Variants in LRP5 observed in about 807,000 individuals in gnomAD.
The protein encoded by LRP5 is LDL receptor related protein 5.
LRP5 carries 62 observed loss-of-function variants against 154.1 expected under a neutral mutation model. The ratio of observed to expected loss-of-function variants is 0.40; its 90% CI spans 0.33 to 0.50. LRP5 has a LOEUF of 0.50. Ranked by LOEUF, LRP5 falls within the 20% of genes least tolerant of loss-of-function variation. The pLI, the probability that LRP5 is intolerant of heterozygous loss-of-function variation, is 0.55. For synonymous variants in LRP5, 966 were observed against 1,011.5 expected (o/e 0.96, Z 0.85); for missense variants, 1,915 against 2,336.7 (o/e 0.82, Z 3.72).
At chr11:68,430,165 T>G (rs1257079876) in intron 17 of LRP5, among the ~76,000 whole-genome samples, 1 of 152,138 alleles carries the variant, frequency 6.6e-6, no homozygotes, top group Non-Finnish European at 1.5e-5. Context: ...TCTTTTTGTT[T>G]TGTTTTGCTT....
At chr11:68,322,061 G>T (rs891485951) in intron 1 of LRP5, among the ~76,000 whole-genome samples, 1 of 152,192 alleles carries the variant, frequency 6.6e-6, no homozygotes, top group African/African-American at 2.4e-5. Flanking sequence ...TTGCTTCTGC[G>T]GGTAAAGGCC....
intron 8 of LRP5, among the ~76,000 whole-genome samples, chr11:68,404,671 C>T (rs1414602542): frequency 2.0e-5 from 3 of 152,112 alleles, no homozygotes; most frequent in Non-Finnish European, 4.4e-5. Flanking sequence ...CCTTTAAAAA[C>T]GCGTTCATGC....
Position 68,447,302 on chromosome 11 carries a change from C to T in LRP5, c.4586+769C>T, listed in dbSNP as rs1196949949. 6.5e-6 allele frequency: 1 copy of T among 153,654 alleles called. No homozygotes were observed. Among genetic ancestry groups the T allele is most frequent in the South Asian group, 2.0e-4 (1 of 4,912 alleles). 9.5% of individuals were successfully genotyped at this position (153,654 alleles called of 1,614,324 possible). On this transcript the variant is annotated intron_variant, in intron 22 of 22. Coordinates refer to ENST00000294304, the MANE Select transcript of LRP5 (RefSeq NM_002335.4). This position sits in a 1 kb window ranked among gnomAD's most constrained non-coding sequence, Gnocchi z 4.3. The stretch of plus-strand genomic sequence containing the variant: ...CCCGCAGGTGAAGGGGTGGGATAGG[C>T]TGGGCCTGGGCCAGGACACCTCTGG...
At chr11:68,334,732 G>T (rs558908321) in intron 1 of LRP5, among the ~76,000 whole-genome samples, 23 of 152,202 alleles carry the variant, frequency 1.5e-4, no homozygotes, top group African/African-American at 4.8e-4. Context: ...GAAATTAGCC[G>T]GTTGTGGGGG....
rs1182372384 is a variant in LRP5, at chr11:68,353,779, C to T, written c.489-3871C>T. On this transcript the variant is annotated intron_variant, in intron 2 of 22. Coordinates refer to ENST00000294304, the MANE Select transcript of LRP5 (RefSeq NM_002335.4). This position sits in a 1 kb window ranked among gnomAD's most constrained non-coding sequence, Gnocchi z 4.5. ...TCATCAGGAAGGGGGTCTCTGGGTC[C>T]GAGCGTCCACCTCAGTGTGCACGTG... 2.0e-5 allele frequency among the ~76,000 whole-genome samples: 3 copies of T among 152,190 alleles called. No homozygotes were observed. Among genetic ancestry groups the T allele is most frequent in the South Asian group, 2.1e-4 (1 of 4,834 alleles).
Position 68,411,538 on chromosome 11 carries a change from C to T in LRP5, c.2421C>T (p.Asn807=), listed in dbSNP as rs138051657. The T allele has an allele frequency of 9.9e-6, 16 of 1,613,830 alleles. No homozygotes were observed. Among genetic ancestry groups the T allele is most frequent in the South Asian group, 6.6e-5 (6 of 91,080 alleles). ...MTLVDKVGRA[N]DLTIDYADQR... ...TGGTGGACAAGGTGGGCCGGGCCAACGACCTCACCATTGACTACGCTGACC... is the reference window on the plus strand; with the variant it reads ...TGGTGGACAAGGTGGGCCGGGCCAATGACCTCACCATTGACTACGCTGACC... Residue 807 remains asparagine, a synonymous_variant, in exon 11 of 23, where the codon AAC becomes AAT. Transcript: ENST00000294304.
At chr11:68,434,793 C>T (rs1007120040) in intron 18 of LRP5, among the ~76,000 whole-genome samples, 3 of 152,110 alleles carry the variant, frequency 2.0e-5, no homozygotes, top group South Asian at 4.1e-4. Context: ...CCAGAGCCAC[C>T]GGCTCTGTTA....
At chr11:68,341,830 G>A (rs1483507781) in intron 1 of LRP5, among the ~76,000 whole-genome samples, 4 of 152,026 alleles carry the variant, frequency 2.6e-5, no homozygotes, top group South Asian at 2.1e-4. Context: ...GATCTGCAGC[G>A]TTTATGATGT....
At chr11:68,316,109 C>G (rs971174880) in intron 1 of LRP5, among the ~76,000 whole-genome samples, 1 of 152,122 alleles carries the variant, frequency 6.6e-6, no homozygotes, top group South Asian at 2.1e-4. Context: ...TCCCTCTCCC[C>G]GGATCCCCTG....
intron 16 of LRP5, among the ~76,000 whole-genome samples, chr11:68,427,975 T>TTATTTATTTA (rs1565105932): frequency 0.011 from 476 of 43,426 alleles, 4 homozygotes; most frequent in East Asian, 0.058. Context: ...ATTTTATTTT[T>TTATTTATTTA]TTTATTTATT....
chr11:68,412,530 A>G (rs919392821), intron 11 of LRP5, among the ~76,000 whole-genome samples: 2 of 152,006 alleles, frequency 1.3e-5, no homozygotes, highest in Non-Finnish European at 2.9e-5. Flanking sequence ...CTGTAGTCCA[A>G]GCTACTTGGG....
chr11:68,393,023 G>A (rs574744930), intron 7 of LRP5, among the ~76,000 whole-genome samples: 1 of 152,158 alleles, frequency 6.6e-6, no homozygotes, highest in South Asian at 2.1e-4. Flanking sequence ...CCAGCTACCT[G>A]GGAGGCTGAG....
At position 68,448,865 on chromosome 11, in the gene LRP5, G is replaced by T. The variant is rs147618989; in HGVS notation, c.4643G>T (p.Cys1548Phe). The stretch of plus-strand genomic sequence containing the variant: ...ACGACGCCCTGCAGCACCGACGTGT[G>T]TGACAGCGACTACAGCGCCAGCCGC... The part of the protein sequence containing the change: ...PPTTPCSTDV[C>F]DSDYSASRWK... The change falls in exon 23 of 23, where the codon TGT (cysteine) becomes TTT (phenylalanine). Residue 1548 changes from cysteine (C) to phenylalanine (F), a missense_variant. Cys to Phe is a radical substitution (Grantham distance 205). This residue lies in a region of LRP5 where 1,094 missense variants were observed against 1,210.1 expected (regional missense o/e 0.90). Coordinates refer to ENST00000294304, the MANE Select transcript of LRP5 (RefSeq NM_002335.4). The T allele has an allele frequency of 1.3e-4, 212 of 1,612,580 alleles. 1 individual carries two copies. The East Asian group carries it at 2.0e-3, about 15-fold the overall frequency.
intron 16 of LRP5, among the ~76,000 whole-genome samples, chr11:68,427,965 A>ATTTT (rs751120972): frequency 8.3e-6 from 1 of 120,424 alleles, no homozygotes; most frequent in East Asian, 2.4e-4. Context: ...ATTTTATTTT[A>ATTTT]TTTTATTTTT....
rs75290885 is a variant in LRP5 at position 68,333,132 on chromosome 11, G to A, written c.92-14715G>A. The stretch of plus-strand genomic sequence containing the variant: ...CTGCATGAGGGTTTGAGTGGCCACC[G>A]CCACCCCAGTAGGAGAGACGCGTAG... On this transcript the variant is annotated intron_variant, in intron 1 of 22. Transcript: ENST00000294304. 5.1e-4 allele frequency among the ~76,000 whole-genome samples: 77 copies of A among 152,254 alleles called. 2 individuals are homozygous for A. The East Asian group carries it at 0.013, about 26-fold the overall frequency.
At chr11:68,330,913 C>T (rs567244548) in intron 1 of LRP5, among the ~76,000 whole-genome samples, 10 of 152,360 alleles carry the variant, frequency 6.6e-5, no homozygotes, top group Admixed American at 5.9e-4. Context: ...CAGGGCGCCT[C>T]TGACCGTTCT....
intron 11 of LRP5, chr11:68,412,861 C>T: frequency 6.2e-6 from 1 of 160,706 alleles, no homozygotes; most frequent in Non-Finnish European, 1.4e-5. Flanking sequence ...TGGCTTCTGA[C>T]CTCTGCCTCT....
Position 68,437,137 on chromosome 11 carries a change from G to T in LRP5, c.4111+138G>T, listed in dbSNP as rs1053149138. 5.6e-6 allele frequency: 4 copies of T among 708,214 alleles called. No homozygotes were observed. The South Asian group carries it at 6.4e-5, about 11-fold the overall frequency. The allele number at this position is 708,214 out of a possible 1,614,324, so 43.9% of individuals were successfully genotyped here. On this transcript the variant is annotated intron_variant, in intron 19 of 22. Coordinates refer to ENST00000294304, the MANE Select transcript of LRP5 (RefSeq NM_002335.4). ...CTCAGGCGGCTGGGAGGCTCCTTGC[G>T]GGAGGCAGGGAAGCCTTTCCCAGGG...
intron 5 of LRP5, among the ~76,000 whole-genome samples, chr11:68,382,870 T>C (rs2098641024): frequency 7.5e-6 from 1 of 132,736 alleles, no homozygotes. Context: ...TGCTATTGTG[T>C]TACTTTAATG....
Sources: gnomAD v4.1 joint callset for allele counts (sites outside exome capture counted in the v4.1 genomes callset) on GRCh38, gnomAD v4.1.1 for gene constraint, gnomAD v4.1.1 regional missense constraint, Gnocchi (gnomAD v3.1) non-coding constraint, MANE v1.5 for transcripts, NCBI Gene and HGNC (gene_info 2026-07-23, HGNC 2026-07-21) for gene names.